Variants in KCNQ5 observed in about 807,000 individuals in gnomAD.
KCNQ5 encodes potassium voltage-gated channel subfamily Q member 5, also known as potassium voltage-gated channel subfamily KQT member 5.
A neutral mutation model predicts 98.2 loss-of-function variants in KCNQ5; 30 were observed. The ratio of observed to expected loss-of-function variants is 0.31; its 90% confidence interval spans 0.23 to 0.41. The LOEUF (loss-of-function observed/expected upper bound fraction) is 0.41, where lower values mean the gene tolerates loss of function less well. Among genes scored for constraint, KCNQ5 ranks in the 10% least tolerant of loss-of-function variants. The pLI is 1.00. For synonymous variants in KCNQ5, 458 were observed against 449.4 expected, an observed-to-expected ratio of 1.02 and a Z score of -0.24; for missense variants, 835 against 1,182.5, an observed-to-expected ratio of 0.71 and a Z score of 4.31.
At position 73,095,186 on chromosome 6, in the gene KCNQ5, T is replaced by C. The variant is rs1052558638; in HGVS notation, c.919-10071T>C. Among the ~76,000 whole-genome samples the C allele has an allele frequency of 4.6e-5, 7 of 152,320 alleles. No individual in the cohort carries two copies. In the East Asian group the frequency reaches 1.4e-3, roughly 29 times the overall value. On this transcript the variant is annotated intron_variant, in intron 5 of 13. Transcript: ENST00000370398. Reference sequence around the variant, plus strand: ...AAGACCTTGTCTTAGAGCTCTGAAATTCTTTCTTCTACTTGTTCAATTCTA... The same window carrying C: ...AAGACCTTGTCTTAGAGCTCTGAAACTCTTTCTTCTACTTGTTCAATTCTA...
At chr6:72,984,654 C>A (rs780948536) in intron 1 of KCNQ5, among the ~76,000 whole-genome samples, 2 of 152,184 alleles carry the variant, frequency 1.3e-5, no homozygotes, top group East Asian at 1.9e-4. Flanking sequence ...ATCCCCCCAC[C>A]CCTTGTGCTT....
chr6:72,832,025 A>G (rs867502112), intron 1 of KCNQ5, among the ~76,000 whole-genome samples: 1 of 152,202 alleles, frequency 6.6e-6, no homozygotes, highest in South Asian at 2.1e-4. Context: ...ATCAGGATGA[A>G]GGCAGTATTA....
At chr6:72,982,203 A>G (rs184129023) in intron 1 of KCNQ5, among the ~76,000 whole-genome samples, 17 of 152,236 alleles carry the variant, frequency 1.1e-4, no homozygotes, top group African/African-American at 2.4e-5. Flanking sequence ...CAAGTCTTGT[A>G]TATTCTTGTT....
chr6:73,105,462 A>G, intron 6 of KCNQ5, 95 bp downstream of exon 6: 2 of 588,662 alleles, frequency 3.4e-6, no homozygotes, highest in Non-Finnish European at 5.8e-6. Flanking sequence ...GAACATATCT[A>G]TATCATTTAC....
chr6:73,135,389 C>T (rs1421374225), intron 10 of KCNQ5: 2 of 127,862 alleles, frequency 1.6e-5, no homozygotes, highest in African/African-American at 6.1e-5. Context: ...AATAAGAAGG[C>T]AATAAAGGAT....
At chr6:72,683,199 C>A (rs979608610) in intron 1 of KCNQ5, among the ~76,000 whole-genome samples, 3 of 152,000 alleles carry the variant, frequency 2.0e-5, no homozygotes, top group Admixed American at 6.6e-5. Context: ...GTGTCTGAAC[C>A]CCAAAGCCAA....
At chr6:72,865,918 TTC>T (rs1777959375) in intron 1 of KCNQ5, among the ~76,000 whole-genome samples, 1 of 152,216 alleles carries the variant, frequency 6.6e-6, no homozygotes, top group Non-Finnish European at 1.5e-5. Context: ...TTATAAGCAC[TTC>T]CTGGAACCAT....
chr6:73,032,541 G>A (rs1355126802), intron 2 of KCNQ5, among the ~76,000 whole-genome samples: 1 of 152,174 alleles, frequency 6.6e-6, no homozygotes, highest in African/African-American at 2.4e-5. Context: ...TGAATCAAAT[G>A]AAAACTTGGT....
chr6:72,860,695 A>C (rs1448113278), intron 1 of KCNQ5, among the ~76,000 whole-genome samples: 1 of 152,132 alleles, frequency 6.6e-6, no homozygotes, highest in Non-Finnish European at 1.5e-5. Context: ...TCCTTGTAAA[A>C]ATCTGTTCCA....
At chr6:72,913,345 T>C (rs1422914272) in intron 1 of KCNQ5, among the ~76,000 whole-genome samples, 8 of 152,076 alleles carry the variant, frequency 5.3e-5, no homozygotes, top group Admixed American at 5.2e-4. Context: ...TAGATCATCA[T>C]GAGAGTTTAC....
At chr6:72,994,615 G>A (rs918038349) in intron 1 of KCNQ5, among the ~76,000 whole-genome samples, 2 of 151,204 alleles carry the variant, frequency 1.3e-5, no homozygotes, top group African/African-American at 4.9e-5. Flanking sequence ...GAAATCACCC[G>A]TCTTCTGCGT....
rs138166404 is a variant in KCNQ5, at chr6:72,768,755, C to CTG, written c.398+146181_398+146182dup. Among the ~76,000 whole-genome samples, 101 of 151,548 alleles carry CTG rather than the reference C, an allele frequency of 6.7e-4. 3 individuals carry two copies. The highest frequency in any genetic ancestry group is 2.2e-3 in the African/African-American group (91 of 41,376). ...TATAGTTACCTTATTTTTAAAACCA[C>CTG]TGTGTGTGTGTGTGCGTGTGCATTA... is the stretch of plus-strand genomic sequence containing the variant. On this transcript the variant is annotated intron_variant, in intron 1 of 13. Transcript: ENST00000370398.
At chr6:72,654,661 A>C (rs1208028262) in intron 1 of KCNQ5, among the ~76,000 whole-genome samples, 1 of 152,086 alleles carries the variant, frequency 6.6e-6, no homozygotes, top group South Asian at 2.1e-4. Flanking sequence ...TGATTTCCAG[A>C]AGAATCACTT....
chr6:73,105,773 A>G (rs1399800885), intron 6 of KCNQ5, among the ~76,000 whole-genome samples: 1 of 152,216 alleles, frequency 6.6e-6, no homozygotes, highest in Non-Finnish European at 1.5e-5. Context: ...CTTCAGATCC[A>G]TTTGAGTGAA....
chr6:73,106,951 T>C (rs2051020), intron 6 of KCNQ5, among the ~76,000 whole-genome samples: 142,966 of 152,116 alleles, frequency 0.94, 67,246 homozygotes, highest in South Asian at 0.98. Context: ...TGGAACAAAA[T>C]GATGAAATCC....
intron 1 of KCNQ5, among the ~76,000 whole-genome samples, chr6:72,901,999 T>A (rs886310167): frequency 1.3e-5 from 2 of 152,220 alleles, no homozygotes; most frequent in Non-Finnish European, 2.9e-5. Flanking sequence ...TGTTTTCATT[T>A]GTGTGTATCA....
At chr6:72,996,615 A>G (rs1319960017) in intron 1 of KCNQ5, among the ~76,000 whole-genome samples, 1 of 152,224 alleles carries the variant, frequency 6.6e-6, no homozygotes, top group Non-Finnish European at 1.5e-5. Flanking sequence ...GTGATTGCAT[A>G]TACTTGAGAC....
chr6:73,065,831 C>A (rs1262078401), intron 3 of KCNQ5, among the ~76,000 whole-genome samples: 1 of 152,158 alleles, frequency 6.6e-6, no homozygotes, highest in Non-Finnish European at 1.5e-5. Flanking sequence ...CTCTGAGATG[C>A]TTTCCCATTG....
At chr6:73,185,500 A>G (rs77170842) in intron 11 of KCNQ5, among the ~76,000 whole-genome samples, 4,722 of 152,332 alleles carry the variant, frequency 0.031, 109 homozygotes, top group East Asian at 0.11. Flanking sequence ...TGACTTTAAA[A>G]CAGAGTTTTG....
Sources: allele counts gnomAD v4.1 joint callset (sites outside exome capture counted in the v4.1 genomes callset), GRCh38; gene constraint gnomAD v4.1.1; transcripts MANE v1.5; gene names NCBI Gene and HGNC (gene_info 2026-07-23, HGNC 2026-07-21).